The following CSMD1 variants were observed in gnomAD, a reference collection of about 807,000 sequenced individuals.
CSMD1 encodes CUB and Sushi multiple domains 1.
In CSMD1, 213 loss-of-function variants were observed where a neutral mutation model predicts 417.5. That is an observed-to-expected ratio of 0.51 (90% CI 0.46 to 0.57). The LOEUF is 0.57. Ranked by LOEUF, CSMD1 falls within the 20% of genes least tolerant of loss-of-function variation. The pLI is 0.00. For missense variants in CSMD1, 6,923 were observed against 4,529.7 expected (o/e 1.53, Z -15.17); for synonymous variants, 2,862 against 1,736.8 (o/e 1.65, Z -16.11).
intron 26 of CSMD1, among the ~76,000 whole-genome samples, chr8:3,264,421 C>T (rs1202652871): frequency 6.6e-6 from 1 of 152,044 alleles, no homozygotes; most frequent in African/African-American, 2.4e-5. Context: ...TGCCTTTTTG[C>T]CACACAAGTG....
At chr8:3,930,662 C>G (rs1810077450) in intron 5 of CSMD1, among the ~76,000 whole-genome samples, 1 of 150,214 alleles carries the variant, frequency 6.7e-6, no homozygotes, top group Non-Finnish European at 1.5e-5. Context: ...GTTCGGTGTA[C>G]TGTCATGGCA....
chr8:3,393,615 T>C (rs1024872766), intron 17 of CSMD1, among the ~76,000 whole-genome samples: 3 of 152,028 alleles, frequency 2.0e-5, no homozygotes, highest in African/African-American at 4.8e-5. Context: ...ATAGACTGGA[T>C]TGAGAAAATA....
chr8:3,522,234 C>T (rs1181010289), intron 10 of CSMD1, among the ~76,000 whole-genome samples: 3 of 152,080 alleles, frequency 2.0e-5, no homozygotes, highest in African/African-American at 7.2e-5. Flanking sequence ...TAAAATATTG[C>T]ATATGATATT....
chr8:4,509,759 C>G (rs561573709), intron 2 of CSMD1, among the ~76,000 whole-genome samples: 10 of 152,224 alleles, frequency 6.6e-5, no homozygotes, highest in Non-Finnish European at 1.3e-4. Context: ...ACTTAGTTGT[C>G]ACACACACTA....
chr8:3,209,678 G>C (rs771389132), intron 30 of CSMD1, among the ~76,000 whole-genome samples: 12 of 152,066 alleles, frequency 7.9e-5, no homozygotes, highest in African/African-American at 2.9e-4. Context: ...AACAGGCCTG[G>C]TGCTTCTCAC....
At chr8:3,224,888 T>C (rs1798407576) in intron 27 of CSMD1, among the ~76,000 whole-genome samples, 1 of 152,226 alleles carries the variant, frequency 6.6e-6, no homozygotes, top group Admixed American at 6.5e-5. Context: ...ACATTTTAGA[T>C]ACATACAAGA....
At chr8:4,742,755 G>A (rs1009045217) in intron 1 of CSMD1, among the ~76,000 whole-genome samples, 1 of 152,088 alleles carries the variant, frequency 6.6e-6, no homozygotes, top group African/African-American at 2.4e-5. Flanking sequence ...CAAATGTATG[G>A]TCTATTAAAT....
chr8:3,453,665 T>C (rs1049874865), intron 12 of CSMD1, among the ~76,000 whole-genome samples: 1 of 152,252 alleles, frequency 6.6e-6, no homozygotes, highest in East Asian at 1.9e-4. Flanking sequence ...TATTGCACTG[T>C]GGTCTGAGAG....
chr8:3,562,912 A>T (rs191122675), intron 10 of CSMD1, among the ~76,000 whole-genome samples: 19 of 152,186 alleles, frequency 1.2e-4, no homozygotes, highest in Admixed American at 7.2e-4. Context: ...GTACCCATGA[A>T]CTTAAAAGTT....
intron 26 of CSMD1, among the ~76,000 whole-genome samples, chr8:3,275,389 AT>A (rs1356442727): frequency 6.6e-6 from 1 of 152,000 alleles, no homozygotes; most frequent in Non-Finnish European, 1.5e-5. Context: ...CCTTTGGTGA[AT>A]CTGACAATTA....
intron 5 of CSMD1, among the ~76,000 whole-genome samples, chr8:3,992,514 G>A (rs894855112): frequency 4.6e-5 from 7 of 152,216 alleles, no homozygotes; most frequent in Non-Finnish European, 2.9e-5. Flanking sequence ...ACTGGCTGTT[G>A]TGGCTCATGC....
In CSMD1 at chr8:4,698,475, G is replaced by A. The variant is rs116010780; in HGVS notation, c.86-60917C>T. 5.4e-3 allele frequency among the ~76,000 whole-genome samples: 821 copies of A among 152,242 alleles called. 9 individuals carry two copies. The highest frequency in any genetic ancestry group is 0.017 in the African/African-American group (722 of 41,546). On this transcript the variant is annotated intron_variant, in intron 1 of 69. Coordinates refer to ENST00000635120, the MANE Select transcript of CSMD1 (RefSeq NM_033225.6). ...TTCATGCTTATGTTCTCATAAGGCA[G>A]TTGGGATAGAAAACCAGCTCAGGTG...
At chr8:3,998,585 T>G (rs935325970) in intron 4 of CSMD1, among the ~76,000 whole-genome samples, 2 of 152,194 alleles carry the variant, frequency 1.3e-5, no homozygotes. Context: ...AATTTGGGTT[T>G]TGAATTTCAG....
At chr8:3,563,982 C>T (rs535507039) in intron 10 of CSMD1, among the ~76,000 whole-genome samples, 1 of 152,074 alleles carries the variant, frequency 6.6e-6, no homozygotes, top group African/African-American at 2.4e-5. Flanking sequence ...TCTGAGTATA[C>T]GATCATTAAA....
chr8:4,731,768 C>G (rs902617190), intron 1 of CSMD1, among the ~76,000 whole-genome samples: 1 of 152,156 alleles, frequency 6.6e-6, no homozygotes, highest in African/African-American at 2.4e-5. Flanking sequence ...GGAAGTGATG[C>G]TGGCTTCTAC....
chr8:3,619,780 G>C (rs1802329891), intron 7 of CSMD1, among the ~76,000 whole-genome samples: 1 of 152,098 alleles, frequency 6.6e-6, no homozygotes, highest in Non-Finnish European at 1.5e-5. Flanking sequence ...TCACAGGTTA[G>C]AAAGCAATGG....
At position 4,248,427 on chromosome 8, in the gene CSMD1, C is replaced by A. The variant is rs186757901; in HGVS notation, c.415+171526G>T. Among the ~76,000 whole-genome samples the A allele has an allele frequency of 1.1e-4, 17 of 152,228 alleles. No individual in the cohort carries two copies. In the East Asian group the frequency reaches 1.5e-3, roughly 14 times the overall value. ...GCGCTTATAAAAGAAGAGAGCCCGT[C>A]CACTTGAACATAAGATCCTAATTAA... On this transcript the variant is annotated intron_variant, in intron 3 of 69. Transcript: ENST00000635120.
chr8:4,953,408 A>AAACT (rs1808878660), intron 1 of CSMD1, among the ~76,000 whole-genome samples: 1 of 152,162 alleles, frequency 6.6e-6, no homozygotes, highest in Admixed American at 6.6e-5. Context: ...AATCAATATG[A>AAACT]AGGACAAATA....
chr8:4,933,248 C>T (rs545838776), intron 1 of CSMD1, among the ~76,000 whole-genome samples: 3 of 152,118 alleles, frequency 2.0e-5, no homozygotes, highest in South Asian at 4.2e-4. Flanking sequence ...GATATGACGG[C>T]ACTAGTAAAT....
Sources: allele counts gnomAD v4.1 joint callset (sites outside exome capture counted in the v4.1 genomes callset), GRCh38; gene constraint gnomAD v4.1.1; transcripts MANE v1.5; gene names NCBI Gene and HGNC (gene_info 2026-07-23, HGNC 2026-07-21).